PLA2G4A: variants seen among roughly 807,000 people sequenced by gnomAD.
The protein encoded by PLA2G4A is phospholipase A2 group IVA, also known as cytosolic phospholipase A2.
In PLA2G4A, 40 loss-of-function variants were observed where a neutral mutation model predicts 81.9. The observed-to-expected ratio is 0.49, with a 90% confidence interval of 0.38 to 0.64. PLA2G4A has a LOEUF of 0.64. PLA2G4A is among the 30% of genes least tolerant of loss of function. PLA2G4A has a pLI of 0.00. For synonymous variants in PLA2G4A, 302 were observed against 296.9 expected, an observed-to-expected ratio of 1.02 and a Z score of -0.18; for missense variants, 715 against 905.1, an observed-to-expected ratio of 0.79 and a Z score of 2.69.
intron 2 of PLA2G4A, among the ~76,000 whole-genome samples, chr1:186,856,226 A>T (rs1285431465): frequency 3.3e-5 from 5 of 151,860 alleles, no homozygotes; most frequent in African/African-American, 1.2e-4. Flanking sequence ...CCACAACTAA[A>T]CGTTACTTAA....
At chr1:186,885,977 A>G (rs1478378770) in intron 3 of PLA2G4A, among the ~76,000 whole-genome samples, 1 of 152,158 alleles carries the variant, frequency 6.6e-6, no homozygotes, top group Non-Finnish European at 1.5e-5. Context: ...TGAAAATATA[A>G]TGGCTGGGTA....
chr1:186,874,958 CA>C (rs1275550862), intron 3 of PLA2G4A, among the ~76,000 whole-genome samples: 1 of 152,128 alleles, frequency 6.6e-6, no homozygotes, highest in East Asian at 1.9e-4. Context: ...GTGCCATTTG[CA>C]GTTCTAAGGC....
intron 1 of PLA2G4A, among the ~76,000 whole-genome samples, chr1:186,851,109 G>A (rs551178421): frequency 1.1e-4 from 17 of 152,108 alleles, no homozygotes; most frequent in Admixed American, 3.3e-4. Flanking sequence ...ACTGGAACTT[G>A]AATTAAGGTC....
At chr1:186,897,502 T>G (rs1036729769) in intron 5 of PLA2G4A, among the ~76,000 whole-genome samples, 9 of 152,014 alleles carry the variant, frequency 5.9e-5, no homozygotes, top group Admixed American at 1.3e-4. Context: ...AATATTTTAT[T>G]TTTATTTTTA....
chr1:186,949,326 G>A (rs180930294), intron 12 of PLA2G4A, among the ~76,000 whole-genome samples: 2,785 of 118,090 alleles, frequency 0.024, 100 homozygotes, highest in African/African-American at 0.079. Flanking sequence ...AAGGAAGGAA[G>A]GAAGGAAAGA....
chr1:186,900,267 A>G (rs775020402), intron 5 of PLA2G4A, among the ~76,000 whole-genome samples: 1 of 152,208 alleles, frequency 6.6e-6, no homozygotes. Context: ...CCTCATCTGT[A>G]AAACAGGGTT....
rs571380203 is a variant in PLA2G4A at position 186,988,818 on chromosome 1, T to A, written c.*310T>A. On this transcript the variant is annotated 3_prime_UTR_variant, in exon 18 of 18. Coordinates refer to ENST00000367466, the MANE Select transcript of PLA2G4A (RefSeq NM_024420.3). ...TCTTATGTGTGTTCTTTTTAAAAAT[T>A]TTTTTTCTTTTAAAATATTTAACAG... The A allele has an allele frequency of 2.9e-4, 68 of 230,894 alleles. No individual in the cohort carries two copies. Among genetic ancestry groups the A allele is most frequent in the South Asian group, 5.1e-4 (8 of 15,792 alleles). The allele number at this position is 230,894 out of a possible 1,614,324, so 14.3% of individuals were successfully genotyped here.
chr1:186,906,235 C>A (rs1229691793), intron 5 of PLA2G4A, among the ~76,000 whole-genome samples: 2 of 152,114 alleles, frequency 1.3e-5, no homozygotes, highest in Non-Finnish European at 2.9e-5. Context: ...ATTGAAAAGG[C>A]CTTTCTGTAC....
intron 1 of PLA2G4A, among the ~76,000 whole-genome samples, chr1:186,850,366 C>A (rs1652329514): frequency 6.6e-6 from 1 of 151,946 alleles, no homozygotes; most frequent in South Asian, 2.1e-4. Flanking sequence ...TGATATTTTC[C>A]CAGAAGAATA....
intron 7 of PLA2G4A, among the ~76,000 whole-genome samples, chr1:186,914,781 C>G (rs2102163678): frequency 1.3e-5 from 2 of 152,166 alleles, no homozygotes; most frequent in Middle Eastern, 6.8e-3. Context: ...CTTCTTCTTT[C>G]TTTGGAGGTA....
At chr1:186,886,802 A>T (rs1414720769) in intron 3 of PLA2G4A, among the ~76,000 whole-genome samples, 1 of 152,188 alleles carries the variant, frequency 6.6e-6, no homozygotes, top group Non-Finnish European at 1.5e-5. Flanking sequence ...CTATGGGCAG[A>T]ATAACTCCTT....
chr1:186,988,592 A>AC lies in PLA2G4A; in HGVS notation c.*84_*85insC. 5.1e-6 allele frequency: 6 copies of AC among 1,173,768 alleles called. No individual in the cohort carries two copies. Among genetic ancestry groups the AC allele is most frequent in the Non-Finnish European group, 6.3e-6 (5 of 787,856 alleles). 72.7% of individuals were successfully genotyped at this position (1,173,768 alleles called of 1,614,324 possible). A position where few individuals can be genotyped will look rare whatever the true frequency, so the allele number is the denominator to read the frequency against. On this transcript the variant is annotated 3_prime_UTR_variant, in exon 18 of 18. Coordinates refer to ENST00000367466, the MANE Select transcript of PLA2G4A (RefSeq NM_024420.3). ...AACTGGATTTAAAAGTACAGTACAG[A>AC]TAGTCGTACTGATCATGAGAGACTG... is the stretch of plus-strand genomic sequence containing the variant.
At chr1:186,844,161 C>T (rs1652085706) in intron 1 of PLA2G4A, among the ~76,000 whole-genome samples, 1 of 152,158 alleles carries the variant, frequency 6.6e-6, no homozygotes, top group African/African-American at 2.4e-5. Flanking sequence ...TGTTACATTT[C>T]CTTGGGAACA....
At chr1:186,934,348 T>C (rs943450043) in intron 8 of PLA2G4A, among the ~76,000 whole-genome samples, 4 of 151,334 alleles carry the variant, frequency 2.6e-5, no homozygotes, top group Non-Finnish European at 4.4e-5. Context: ...GATATAGTCA[T>C]TGCTTTGGTT....
At chr1:186,898,053 A>G (rs141703365) in intron 5 of PLA2G4A, among the ~76,000 whole-genome samples, 30 of 152,280 alleles carry the variant, frequency 2.0e-4, no homozygotes, top group African/African-American at 7.0e-4. Flanking sequence ...TATAAGTACA[A>G]TACCTTATTT....
chr1:186,882,955 A>G (rs988360862), intron 3 of PLA2G4A, among the ~76,000 whole-genome samples: 2 of 152,086 alleles, frequency 1.3e-5, no homozygotes, highest in African/African-American at 4.8e-5. Flanking sequence ...TAAATAAAAT[A>G]GGAAAGAAAG....
At chr1:186,917,793 A>G (rs1431877985) in intron 7 of PLA2G4A, among the ~76,000 whole-genome samples, 2 of 152,246 alleles carry the variant, frequency 1.3e-5, no homozygotes, top group African/African-American at 4.8e-5. Context: ...TTTCTGTGAA[A>G]TCCACCTGAA....
Position 186,877,705 on chromosome 1 carries a change from C to CAAAAAAAA in PLA2G4A, c.115+7210_115+7217dup, listed in dbSNP as rs58954006. Among the ~76,000 whole-genome samples, 138 of 86,918 alleles carry CAAAAAAAA rather than the reference C, an allele frequency of 1.6e-3. 2 individuals are homozygous for CAAAAAAAA. Among genetic ancestry groups the CAAAAAAAA allele is most frequent in the South Asian group, 3.6e-3 (7 of 1,966 alleles). The allele number at this position is 86,918 out of a possible 152,430, so 57.0% of individuals were successfully genotyped here. On this transcript the variant is annotated intron_variant, in intron 3 of 17. Coordinates refer to ENST00000367466, the MANE Select transcript of PLA2G4A (RefSeq NM_024420.3). ...AAGACTAAGGCCTGAGGCTTACTCA[C>CAAAAAAAA]AAAAAAAAAAAAAAAAAAAAAAAAA...
At position 186,933,247 on chromosome 1, in the gene PLA2G4A, G is replaced by A. The variant is rs189129972; in HGVS notation, c.695+348G>A. Among the ~76,000 whole-genome samples the A allele has an allele frequency of 8.8e-4, 134 of 152,220 alleles. 1 individual carries two copies. The highest frequency in any genetic ancestry group is 1.5e-3 in the Non-Finnish European group (104 of 67,992). On this transcript the variant is annotated intron_variant, in intron 8 of 17. Transcript: ENST00000367466. The stretch of plus-strand genomic sequence containing the variant: ...TAATCTTCTTATAATTTGCTGATTT[G>A]TAGTCCTTCAGTGAACATGTCTAAG...
Sources: allele counts gnomAD v4.1 joint callset (sites outside exome capture counted in the v4.1 genomes callset), GRCh38; gene constraint gnomAD v4.1.1; transcripts MANE v1.5; gene names NCBI Gene and HGNC (gene_info 2026-07-23, HGNC 2026-07-21).